The following SLC35E1 variants were observed in gnomAD, a reference collection of about 807,000 sequenced individuals.
SLC35E1 encodes solute carrier family 35 member E1, also known as solute carrier family 35, member E1.
SLC35E1 carries 12 observed loss-of-function variants against 31.0 expected under a neutral mutation model. The ratio of observed to expected loss-of-function variants is 0.39; its 90% CI spans 0.25 to 0.63. The LOEUF (loss-of-function observed/expected upper bound fraction) is 0.63, where lower values mean the gene tolerates loss of function less well. Among genes scored for constraint, SLC35E1 ranks in the 20% least tolerant of loss-of-function variants. The probability of loss-of-function intolerance (pLI) is 0.52; values close to 1 mark genes in which losing one functional copy is unlikely to be tolerated. For missense variants in SLC35E1, 429 were observed against 572.2 expected (o/e 0.75, Z 2.55); for synonymous variants, 257 against 264.1 (o/e 0.97, Z 0.26).
chr19:16,555,167 G>C lies in SLC35E1; in HGVS notation c.987C>G (p.Val329=). The C allele has an allele frequency of 6.2e-7, 1 of 1,614,156 alleles. No homozygotes were observed. Among genetic ancestry groups the C allele is most frequent in the Non-Finnish European group, 8.5e-7 (1 of 1,180,038 alleles). Residue 329 remains valine (V), a synonymous_variant, in exon 5 of 6, where the codon GTC becomes GTG. Transcript: ENST00000595753. The surrounding 1 kb of genome is among the most constrained non-coding windows in gnomAD (Gnocchi z 4.1). ...VLGMMTAILG[V]FLYNKTKYDA... is the part of the protein sequence containing the mutation. ...AGACTCTCACCTTGTTATAGAGGAA[G>C]ACCCCCAGGATGGCGGTCATCATGC...
In SLC35E1 at chr19:16,551,722, G is replaced by A. The variant is rs974831968; in HGVS notation, c.*1957C>T. 6.9e-6 allele frequency: 1 copy of A among 145,340 alleles called. No individual in the cohort carries two copies. The highest frequency in any genetic ancestry group is 2.3e-4 in the South Asian group (1 of 4,386). The allele number at this position is 145,340 out of a possible 1,614,324, so 9.0% of individuals were successfully genotyped here. A position where few individuals can be genotyped will look rare whatever the true frequency, so the allele number is the denominator to read the frequency against. ...ACTGGGGTCTTGTCATATTCCTTAT[G>A]TTGATTTCTGCCAAGACCCAAACTG... On this transcript the variant is annotated 3_prime_UTR_variant, in exon 6 of 6. Transcript: ENST00000595753.
chr19:16,567,740 G>C (rs2122347458), intron 3 of SLC35E1, among the ~76,000 whole-genome samples: 1 of 152,170 alleles, frequency 6.6e-6, no homozygotes, highest in East Asian at 1.9e-4. Flanking sequence ...TTTTAGTAGA[G>C]ATGGGGTTTT....
Position 16,566,413 on chromosome 19 carries a change from CT to C in SLC35E1, c.756+118del. On this transcript the variant is annotated intron_variant, in intron 4 of 5. Coordinates refer to ENST00000595753, the MANE Select transcript of SLC35E1 (RefSeq NM_024881.5). ...TACAGAGGACTGACTGCTGAAAGCGCTGGCTGTCAGGTGCCCAAAAGATACC... is the reference window on the plus strand; with the variant it reads ...TACAGAGGACTGACTGCTGAAAGCGCGGCTGTCAGGTGCCCAAAAGATACC... 4 of 1,394,610 alleles carry C rather than the reference CT, an allele frequency of 2.9e-6. No homozygotes were observed. In the South Asian group the frequency reaches 4.0e-5, roughly 14 times the overall value. 86.4% of individuals were successfully genotyped at this position (1,394,610 alleles called of 1,614,324 possible). A position where few individuals can be genotyped will look rare whatever the true frequency, so the allele number is the denominator to read the frequency against.
intron 2 of SLC35E1, among the ~76,000 whole-genome samples, chr19:16,569,226 T>C (rs2085946121): frequency 6.6e-6 from 1 of 151,946 alleles, no homozygotes; most frequent in Non-Finnish European, 1.5e-5. Flanking sequence ...GGTTTTGCCA[T>C]GTTGGCCAGG....
Position 16,572,351 on chromosome 19 carries a change from G to A in SLC35E1, c.14C>T (p.Ala5Val). Residue 5 changes from alanine (A) to valine (V), a missense_variant, in exon 1 of 6, where the codon GCG (alanine) becomes GTG (valine). Coordinates refer to ENST00000595753, the MANE Select transcript of SLC35E1 (RefSeq NM_024881.5). This position sits in a 1 kb window ranked among gnomAD's most constrained non-coding sequence, Gnocchi z 4.1. Reference protein sequence around the residue: MAAAAVGAGHGAGGP... With the variant: MAAAVVGAGHGAGGP... ...CCCCGCGCCGTGGCCCGCGCCCACC[G>A]CGGCCGCCGCCATCCTGCCCGAGCG... is the stretch of plus-strand genomic sequence containing the variant. The A allele has an allele frequency of 9.7e-7, 1 of 1,036,014 alleles. No homozygotes were observed. The highest frequency in any genetic ancestry group is 4.4e-5 in the South Asian group (1 of 22,586). 64.2% of individuals were successfully genotyped at this position (1,036,014 alleles called of 1,614,324 possible). A position where few individuals can be genotyped will look rare whatever the true frequency, so the allele number is the denominator to read the frequency against.
intron 4 of SLC35E1, among the ~76,000 whole-genome samples, chr19:16,561,039 A>T (rs970906543): frequency 3.0e-5 from 4 of 135,450 alleles, no homozygotes; most frequent in African/African-American, 8.6e-5. Flanking sequence ...CATCTCTACT[A>T]AAAAAAAAAA....
intron 4 of SLC35E1, among the ~76,000 whole-genome samples, chr19:16,562,882 G>A (rs572759393): frequency 6.6e-6 from 1 of 152,158 alleles, no homozygotes; most frequent in South Asian, 2.1e-4. Flanking sequence ...TTAATTTTTG[G>A]TTTTGTTTTA....
chr19:16,565,068 G>A lies in SLC35E1; in HGVS notation c.756+1464C>T, dbSNP rs57789040. 9.6e-3 allele frequency: 4,348 copies of A among 454,272 alleles called. 175 individuals carry two copies. Among genetic ancestry groups the A allele is most frequent in the African/African-American group, 0.08 (4,015 of 50,006 alleles). The allele number at this position is 454,272 out of a possible 1,614,324, so 28.1% of individuals were successfully genotyped here. On this transcript the variant is annotated intron_variant, in intron 4 of 5. Transcript: ENST00000595753. ...TTTCTAACTCGAGTCTGGAAGAATCGCACTGGCCTCCTCCTCACCGCAGGC... is the reference window on the plus strand; with the variant it reads ...TTTCTAACTCGAGTCTGGAAGAATCACACTGGCCTCCTCCTCACCGCAGGC...
chr19:16,572,042 T>C lies in SLC35E1; in HGVS notation c.323A>G (p.Tyr108Cys), dbSNP rs764959391. The change falls in exon 1 of 6, where the codon TAC becomes TGC. Residue 108 changes from tyrosine (Y) to cysteine (C), a missense_variant. Transcript: ENST00000595753. The surrounding 1 kb of genome is among the most constrained non-coding windows in gnomAD (Gnocchi z 4.1). ...SSGPLLPPRF[Y>C]PRYVLPLAFG... ...GGCGAGCGGTAGCACGTAGCGCGGG[T>C]AGAAGCGCGGCGGCAGCAGCGGGCC... The C allele has an allele frequency of 7.8e-6, 12 of 1,540,374 alleles. No homozygotes were observed. The highest frequency in any genetic ancestry group is 9.6e-6 in the Non-Finnish European group (11 of 1,143,120).
chr19:16,568,448 A>G (rs961029223), intron 2 of SLC35E1, among the ~76,000 whole-genome samples: 1 of 152,214 alleles, frequency 6.6e-6, no homozygotes, highest in Admixed American at 6.5e-5. Flanking sequence ...GGCTGGTCCT[A>G]ACTCCACAGA....
In SLC35E1 at chr19:16,572,397, C is replaced by G; in HGVS notation, c.-33G>C. The G allele has an allele frequency of 1.0e-6, 1 of 989,650 alleles. No individual in the cohort carries two copies. Among genetic ancestry groups the G allele is most frequent in the East Asian group, 1.1e-4 (1 of 8,968 alleles). The allele number at this position is 989,650 out of a possible 1,614,324, so 61.3% of individuals were successfully genotyped here. On this transcript the variant is annotated 5_prime_UTR_variant, in exon 1 of 6. Transcript: ENST00000595753. The surrounding 1 kb of genome is among the most constrained non-coding windows in gnomAD (Gnocchi z 4.1). ...GAGCGGCCGCCCCTTCCAGCCCGTCCGACGGCCCGACGCCGGGCGGGGGCG... is the reference window on the plus strand; with the variant it reads ...GAGCGGCCGCCCCTTCCAGCCCGTCGGACGGCCCGACGCCGGGCGGGGGCG...
Position 16,550,075 on chromosome 19 carries a change from A to C in SLC35E1, c.*3604T>G, listed in dbSNP as rs1273903113. 6.6e-6 allele frequency: 1 copy of C among 152,218 alleles called. No homozygotes were observed. The allele number at this position is 152,218 out of a possible 1,614,324, so 9.4% of individuals were successfully genotyped here. A position where few individuals can be genotyped will look rare whatever the true frequency, so the allele number is the denominator to read the frequency against. On this transcript the variant is annotated 3_prime_UTR_variant, in exon 6 of 6. Transcript: ENST00000595753. ...AGGGCCTGTTGGGTGACATAGGACAAATATACAGCAAAATTCAGAAACTGC... is the reference window on the plus strand; with the variant it reads ...AGGGCCTGTTGGGTGACATAGGACACATATACAGCAAAATTCAGAAACTGC...
At chr19:16,557,844 TG>T (rs2085882640) in intron 4 of SLC35E1, among the ~76,000 whole-genome samples, 1 of 152,084 alleles carries the variant, frequency 6.6e-6, no homozygotes, top group Non-Finnish European at 1.5e-5. Flanking sequence ...GACGGAGTCT[TG>T]CTCTGTCACC....
At chr19:16,562,327 T>C (rs1172422206) in intron 4 of SLC35E1, among the ~76,000 whole-genome samples, 4 of 152,114 alleles carry the variant, frequency 2.6e-5, no homozygotes, top group Non-Finnish European at 5.9e-5. Flanking sequence ...AAAGGCCTTC[T>C]ATGTCGTTAT....
chr19:16,558,339 C>T (rs1027891219), intron 4 of SLC35E1, among the ~76,000 whole-genome samples: 10 of 150,046 alleles, frequency 6.7e-5, no homozygotes, highest in Admixed American at 4.0e-4. Flanking sequence ...CCACCACACC[C>T]GGCCTATTTT....
At chr19:16,561,277 T>TTTCCTCCA (rs1167758959) in intron 4 of SLC35E1, among the ~76,000 whole-genome samples, 1 of 147,126 alleles carries the variant, frequency 6.8e-6, no homozygotes. Context: ...TAACAGGGGA[T>TTTCCTCCA]TTCCTCCATT....
At chr19:16,571,617 C>A (rs1297483165) in intron 1 of SLC35E1, 35 bp from the exon 2 acceptor site, 9 of 1,611,196 alleles carry the variant, frequency 5.6e-6, no homozygotes, top group African/African-American at 1.3e-5. Flanking sequence ...AGGGGGCTGC[C>A]TGAATTTCAG....
chr19:16,566,970 G>A (rs1183547446), intron 3 of SLC35E1, among the ~76,000 whole-genome samples: 7 of 152,170 alleles, frequency 4.6e-5, no homozygotes, highest in Non-Finnish European at 1.5e-5. Flanking sequence ...TCTAAAATAC[G>A]ACCAGACAAA....
chr19:16,567,990 C>A, intron 3 of SLC35E1, 42 bp downstream of exon 3: 10 of 1,536,576 alleles, frequency 6.5e-6, no homozygotes, highest in Non-Finnish European at 7.9e-6. Context: ...TGCCCGCACA[C>A]CCCTGAAACC....
Sources: allele counts gnomAD v4.1 joint callset (sites outside exome capture counted in the v4.1 genomes callset), GRCh38; gene constraint gnomAD v4.1.1; non-coding constraint Gnocchi (gnomAD v3.1); transcripts MANE v1.5; gene names NCBI Gene and HGNC (gene_info 2026-07-23, HGNC 2026-07-21).